The following PSD3 variants were observed in gnomAD, a reference collection of about 807,000 sequenced individuals.
The protein encoded by PSD3 is pleckstrin and Sec7 domain containing 3, also known as PH and SEC7 domain-containing protein 3.
PSD3 carries 49 observed loss-of-function variants against 105.5 expected under a neutral mutation model. The observed-to-expected ratio is 0.46, with a 90% CI of 0.37 to 0.59. The LOEUF is 0.59. Among genes scored for constraint, PSD3 ranks in the 20% least tolerant of loss-of-function variants. The pLI, the probability that PSD3 is intolerant of heterozygous loss-of-function variation, is 0.00. For synonymous variants in PSD3, 557 were observed against 457.8 expected (o/e 1.22, Z -2.77); for missense variants, 1,561 against 1,263.8 (o/e 1.24, Z -3.57).
At position 18,535,751 on chromosome 8, in the gene PSD3, C is replaced by T. The variant is rs778608250; in HGVS notation, c.3136G>A (p.Val1046Ile). Residue 1046 changes from valine (V) to isoleucine (I), a missense_variant, in exon 16 of 16, where the codon GTT becomes ATT. Physicochemically the swap from Val to Ile is conservative, Grantham distance 29 (BLOSUM62 3). Coordinates refer to ENST00000327040, the MANE Select transcript of PSD3 (RefSeq NM_015310.4). Reference sequence around the variant, plus strand: ...CTGGCCGCAGATGGACTCTAAGTAACTTTTTGCTTAATGCTTGGTGTTTCA... The same window carrying T: ...CTGGCCGCAGATGGACTCTAAGTAATTTTTTGCTTAATGCTTGGTGTTTCA... ...RPETPSIKQK[V>I]T The T allele has an allele frequency of 6.2e-7, 1 of 1,611,410 alleles. No homozygotes were observed. The highest frequency in any genetic ancestry group is 8.5e-7 in the Non-Finnish European group (1 of 1,177,634).
rs148418866 is a variant in PSD3, at chr8:18,671,853, G to T, written c.2173-16168C>A. Among the ~76,000 whole-genome samples the T allele has an allele frequency of 7.3e-3, 1,114 of 152,124 alleles. 9 individuals are homozygous for T. The highest frequency in any genetic ancestry group is 0.025 in the African/African-American group (1,022 of 41,524). The stretch of plus-strand genomic sequence containing the variant: ...TCACCGTGTTAGCCAGAATGGTCTC[G>T]ATCTCCTGACCTTGTTATCCGCCCG... On this transcript the variant is annotated intron_variant, in intron 9 of 15. Transcript: ENST00000327040.
intron 9 of PSD3, among the ~76,000 whole-genome samples, chr8:18,690,169 G>T (rs2130989506): frequency 6.6e-6 from 1 of 152,236 alleles, no homozygotes; most frequent in African/African-American, 2.4e-5. Context: ...ACTACGAAAA[G>T]GAGACATGAA....
At chr8:18,559,528 T>G (rs1209313513) in intron 14 of PSD3, among the ~76,000 whole-genome samples, 2 of 152,182 alleles carry the variant, frequency 1.3e-5, no homozygotes, top group Non-Finnish European at 2.9e-5. Flanking sequence ...TATTTGTGGT[T>G]AGGAAATAAT....
Position 18,799,309 on chromosome 8 carries a change from C to T in PSD3, c.2068G>A (p.Asp690Asn). 1.2e-6 allele frequency: 2 copies of T among 1,606,786 alleles called. No individual in the cohort carries two copies. The highest frequency in any genetic ancestry group is 1.1e-5 in the South Asian group (1 of 90,900). The change falls in exon 8 of 16, where the codon GAT becomes AAT. Residue 690 changes from aspartate to asparagine, a missense_variant. Physicochemically the swap from Asp to Asn is conservative, Grantham distance 23. Coordinates refer to ENST00000327040, the MANE Select transcript of PSD3 (RefSeq NM_015310.4). ...TCCACACTTACGTGGCCATGTAGATCGGTATTAAGAAGCATTATTGCACAG... is the reference window on the plus strand; with the variant it reads ...TCCACACTTACGTGGCCATGTAGATTGGTATTAAGAAGCATTATTGCACAG... Reference protein sequence around the residue: ...LTCAIMLLNTDLHGHNIGKKM... With the variant: ...LTCAIMLLNTNLHGHNIGKKM...
intron 4 of PSD3, among the ~76,000 whole-genome samples, chr8:18,818,479 T>C (rs928411218): frequency 2.6e-5 from 4 of 152,132 alleles, no homozygotes; most frequent in Admixed American, 6.5e-5. Context: ...GTGAATTAGA[T>C]GTTATCTGCC....
chr8:18,976,708 A>C (rs561517203), intron 1 of PSD3, among the ~76,000 whole-genome samples: 1 of 152,364 alleles, frequency 6.6e-6, no homozygotes, highest in East Asian at 1.9e-4. Flanking sequence ...TAATAATATA[A>C]ATCACAGATC....
chr8:18,815,674 T>G (rs567818616), intron 4 of PSD3, among the ~76,000 whole-genome samples: 1 of 152,188 alleles, frequency 6.6e-6, no homozygotes, highest in Non-Finnish European at 1.5e-5. Context: ...GCTGTGTTTC[T>G]CTTTGGCGTG....
At chr8:18,833,888 T>C (rs1361116605) in intron 4 of PSD3, among the ~76,000 whole-genome samples, 1 of 152,100 alleles carries the variant, frequency 6.6e-6, no homozygotes, top group Non-Finnish European at 1.5e-5. Flanking sequence ...ACTAGTAAGA[T>C]AGTCAGTTAC....
At chr8:18,989,982 G>C (rs1825704592) in intron 1 of PSD3, among the ~76,000 whole-genome samples, 1 of 152,228 alleles carries the variant, frequency 6.6e-6, no homozygotes, top group Non-Finnish European at 1.5e-5. Context: ...AATTGAGGCA[G>C]AAATCTATGT....
At chr8:18,566,419 G>A (rs577981885) in intron 14 of PSD3, among the ~76,000 whole-genome samples, 14 of 151,448 alleles carry the variant, frequency 9.2e-5, no homozygotes, top group Non-Finnish European at 1.9e-4. Context: ...CCAGCTACTC[G>A]AGAGGCTGAG....
At chr8:18,677,015 A>T (rs1201074257) in intron 9 of PSD3, among the ~76,000 whole-genome samples, 1 of 152,250 alleles carries the variant, frequency 6.6e-6, no homozygotes, top group Non-Finnish European at 1.5e-5. Flanking sequence ...GTAAACAGTG[A>T]TCGTAAAGAT....
chr8:19,013,255 A>G (rs75793567), intron 1 of PSD3, among the ~76,000 whole-genome samples: 3,440 of 152,092 alleles, frequency 0.023, 79 homozygotes, highest in Non-Finnish European at 0.035. Flanking sequence ...AAAGATCGGC[A>G]TACGAGGTCC....
chr8:18,860,071 C>T (rs533830273), intron 4 of PSD3, among the ~76,000 whole-genome samples: 21 of 152,086 alleles, frequency 1.4e-4, no homozygotes, highest in Non-Finnish European at 3.1e-4. Flanking sequence ...GAGATTCTTC[C>T]TTTCATTTGA....
At chr8:18,611,462 T>C (rs757252496) in intron 11 of PSD3, among the ~76,000 whole-genome samples, 7 of 152,150 alleles carry the variant, frequency 4.6e-5, no homozygotes, top group Admixed American at 2.0e-4. Flanking sequence ...CCAGAGAACC[T>C]GGTTTGAGAT....
At chr8:19,029,786 G>A (rs1318788418) in intron 1 of PSD3, among the ~76,000 whole-genome samples, 3 of 152,010 alleles carry the variant, frequency 2.0e-5, no homozygotes, top group Non-Finnish European at 4.4e-5. Context: ...TACTGTAAAT[G>A]GGATTATTTC....
intron 1 of PSD3, among the ~76,000 whole-genome samples, chr8:19,069,036 A>AT (rs1829168837): frequency 6.6e-6 from 1 of 152,098 alleles, no homozygotes; most frequent in Admixed American, 6.6e-5. Context: ...CACAGTTCTG[A>AT]TGGGGCTATT....
intron 9 of PSD3, among the ~76,000 whole-genome samples, chr8:18,686,246 CTT>C (rs1017382884): frequency 8.5e-4 from 129 of 152,292 alleles, no homozygotes; most frequent in African/African-American, 2.8e-3. Flanking sequence ...CACTTGTTCT[CTT>C]GTTTTCACTC....
chr8:18,763,831 A>T (rs1241521006), intron 9 of PSD3, among the ~76,000 whole-genome samples: 1 of 152,180 alleles, frequency 6.6e-6, no homozygotes, highest in African/African-American at 2.4e-5. Flanking sequence ...ACTTCACTTG[A>T]CAATTACCAT....
chr8:18,863,413 C>G (rs571825217), intron 4 of PSD3, among the ~76,000 whole-genome samples: 9 of 152,176 alleles, frequency 5.9e-5, no homozygotes, highest in Non-Finnish European at 1.2e-4. Flanking sequence ...CCCCGGTCAG[C>G]CTGAGGGCCA....
Sources: gnomAD v4.1 joint callset for allele counts (sites outside exome capture counted in the v4.1 genomes callset) on GRCh38, gnomAD v4.1.1 for gene constraint, MANE v1.5 for transcripts, NCBI Gene and HGNC (gene_info 2026-07-23, HGNC 2026-07-21) for gene names.